The following PPME1 variants were observed in gnomAD, a reference collection of about 807,000 sequenced individuals.
The protein encoded by PPME1 is protein phosphatase methylesterase 1, also known as testicular secretory protein Li 39.
PPME1 carries 17 observed loss-of-function variants against 56.9 expected under a neutral mutation model. The ratio of observed to expected loss-of-function variants is 0.30; its 90% CI spans 0.20 to 0.45. The LOEUF (loss-of-function observed/expected upper bound fraction) is 0.45, where lower values mean the gene tolerates loss of function less well. PPME1 is among the 20% of genes least tolerant of loss of function. The pLI is 1.00. For synonymous variants in PPME1, 122 were observed against 156.2 expected, an observed-to-expected ratio of 0.78 and a Z score of 1.63; for missense variants, 357 against 483.2, an observed-to-expected ratio of 0.74 and a Z score of 2.45.
intron 1 of PPME1, among the ~76,000 whole-genome samples, chr11:74,201,037 G>A (rs556829569): frequency 4.6e-5 from 7 of 151,506 alleles, no homozygotes; most frequent in East Asian, 3.9e-4. Flanking sequence ...GTACAGTGGC[G>A]CTATCTCGGC....
At chr11:74,194,100 T>G (rs1281144880) in intron 1 of PPME1, among the ~76,000 whole-genome samples, 1 of 152,196 alleles carries the variant, frequency 6.6e-6, no homozygotes, top group East Asian at 1.9e-4. Context: ...AAATGATATG[T>G]ATTTAGCTCC....
chr11:74,191,888 T>C (rs1240994782), intron 1 of PPME1, among the ~76,000 whole-genome samples: 1 of 152,214 alleles, frequency 6.6e-6, no homozygotes, highest in African/African-American at 2.4e-5. Context: ...GCAGAGCCCC[T>C]GCAGAGAAAC....
intron 9 of PPME1, 77 bp downstream of exon 9, chr11:74,239,333 A>G (rs1859286521): frequency 1.3e-6 from 2 of 1,534,332 alleles, no homozygotes; most frequent in Non-Finnish European, 1.7e-6. Context: ...AGGGGTGATA[A>G]CATTGTTCTT....
chr11:74,185,677 G>T (rs1857662018), intron 1 of PPME1, among the ~76,000 whole-genome samples: 2 of 144,980 alleles, frequency 1.4e-5, no homozygotes, highest in Non-Finnish European at 1.5e-5. Context: ...AACTTTTCGA[G>T]TTGTAGAAAA....
intron 1 of PPME1, among the ~76,000 whole-genome samples, chr11:74,201,040 A>C (rs1279230074): frequency 6.6e-6 from 1 of 151,136 alleles, no homozygotes; most frequent in African/African-American, 2.4e-5. Context: ...CAGTGGCGCT[A>C]TCTCGGCTCA....
chr11:74,176,962 C>T (rs1015785326), intron 1 of PPME1, among the ~76,000 whole-genome samples: 1 of 151,638 alleles, frequency 6.6e-6, no homozygotes, highest in African/African-American at 2.4e-5. Flanking sequence ...AACTCCTGGC[C>T]CCAGGTAATC....
chr11:74,247,219 C>T, intron 11 of PPME1, 96 bp downstream of exon 11: 3 of 1,163,874 alleles, frequency 2.6e-6, no homozygotes, highest in Non-Finnish European at 2.5e-6. Context: ...ACGGAGAAAG[C>T]ATGAGCTTTA....
At chr11:74,240,897 C>G (rs1023181261) in intron 9 of PPME1, among the ~76,000 whole-genome samples, 3 of 152,216 alleles carry the variant, frequency 2.0e-5, no homozygotes, top group Admixed American at 1.3e-4. Context: ...TTTATCATCT[C>G]TAATTCTCAT....
At chr11:74,196,242 A>G (rs1321036371) in intron 1 of PPME1, among the ~76,000 whole-genome samples, 1 of 152,184 alleles carries the variant, frequency 6.6e-6, no homozygotes, top group Non-Finnish European at 1.5e-5. Flanking sequence ...AGTTTAATGA[A>G]AAGGATTTTA....
chr11:74,228,103 T>C (rs1278533500), intron 5 of PPME1, among the ~76,000 whole-genome samples: 1 of 152,032 alleles, frequency 6.6e-6, no homozygotes, highest in Non-Finnish European at 1.5e-5. Context: ...AATTACATGT[T>C]GATATTTAAT....
intron 7 of PPME1, among the ~76,000 whole-genome samples, chr11:74,232,882 T>G (rs1245334806): frequency 1.5e-5 from 2 of 137,850 alleles, no homozygotes; most frequent in Non-Finnish European, 3.1e-5. Flanking sequence ...TTTTTTTTTT[T>G]GTAGAGACAG....
chr11:74,211,090 A>G (rs925163325), intron 3 of PPME1, among the ~76,000 whole-genome samples: 13 of 152,374 alleles, frequency 8.5e-5, no homozygotes, highest in Non-Finnish European at 1.6e-4. Flanking sequence ...AATCCTATTC[A>G]TAAAAGCAAC....
chr11:74,173,426 G>A (rs1857332622), intron 1 of PPME1, among the ~76,000 whole-genome samples: 2 of 151,884 alleles, frequency 1.3e-5, no homozygotes, highest in South Asian at 4.1e-4. Flanking sequence ...GGAGAAACAA[G>A]TTCTCTGAAG....
chr11:74,246,262 G>T lies in PPME1; in HGVS notation c.964+57G>T. ...CAGGCTGCCATAACCAAATATCATA[G>T]ACTGAGTGGCTTAAACAACAGAAAT... On this transcript the variant is annotated intron_variant, in intron 10 of 13. Transcript: ENST00000328257. 4 of 1,430,972 alleles carry T rather than the reference G, an allele frequency of 2.8e-6. 1 individual carries two copies. The South Asian group carries it at 5.7e-5, about 20-fold the overall frequency. The allele number at this position is 1,430,972 out of a possible 1,614,324, so 88.6% of individuals were successfully genotyped here.
At chr11:74,229,210 A>G (rs1859005634) in intron 5 of PPME1, among the ~76,000 whole-genome samples, 1 of 152,170 alleles carries the variant, frequency 6.6e-6, no homozygotes, top group Non-Finnish European at 1.5e-5. Flanking sequence ...CTACCTTGAC[A>G]CTTGCTATAT....
chr11:74,217,541 CAAAAAAAAAAAAA>C (rs61139169), intron 3 of PPME1, among the ~76,000 whole-genome samples: 4 of 79,000 alleles, frequency 5.1e-5, no homozygotes, highest in South Asian at 9.6e-4. Context: ...GACTCCGTCT[CAAAAAAAAAAAAA>C]AAAAAAAAAG....
intron 1 of PPME1, among the ~76,000 whole-genome samples, chr11:74,179,104 T>C (rs568331702): frequency 6.6e-6 from 1 of 152,362 alleles, no homozygotes; most frequent in East Asian, 1.9e-4. Context: ...CCGAAGTTGT[T>C]TACTTATCAG....
Position 74,230,728 on chromosome 11 carries a change from G to A in PPME1, c.554-184G>A. 1.6e-6 allele frequency: 1 copy of A among 615,984 alleles called. No individual in the cohort carries two copies. 38.2% of individuals were successfully genotyped at this position (615,984 alleles called of 1,614,324 possible). A position where few individuals can be genotyped will look rare whatever the true frequency, so the allele number is the denominator to read the frequency against. ...GTGAATACAAGTCATCCTCTTCAGT[G>A]TGAGGGCATGACATAAAGAAGTGAA... On this transcript the variant is annotated intron_variant, in intron 6 of 13. Coordinates refer to ENST00000328257, the MANE Select transcript of PPME1 (RefSeq NM_016147.3). The surrounding 1 kb of genome is among the most constrained non-coding windows in gnomAD (Gnocchi z 4.9).
At chr11:74,217,897 C>T (rs373622013) in intron 3 of PPME1, among the ~76,000 whole-genome samples, 29 of 152,254 alleles carry the variant, frequency 1.9e-4, no homozygotes, top group African/African-American at 6.0e-4. Context: ...TCACTTTCAT[C>T]ACTGTTATTC....
Sources: allele counts gnomAD v4.1 joint callset (sites outside exome capture counted in the v4.1 genomes callset), GRCh38; gene constraint gnomAD v4.1.1; non-coding constraint Gnocchi (gnomAD v3.1); transcripts MANE v1.5; gene names NCBI Gene and HGNC (gene_info 2026-07-23, HGNC 2026-07-21).